The following SLC7A10 variants were observed in gnomAD, a reference collection of about 807,000 sequenced individuals.
SLC7A10 encodes asc-type amino acid transporter 1.
In SLC7A10, 30 loss-of-function variants were observed where a neutral mutation model predicts 52.7. The observed-to-expected ratio is 0.57, with a 90% CI of 0.43 to 0.77. The LOEUF (loss-of-function observed/expected upper bound fraction) is 0.77. Ranked by LOEUF, SLC7A10 falls within the 30% of genes least tolerant of loss-of-function variation. The pLI, the probability that SLC7A10 is intolerant of heterozygous loss-of-function variation, is 0.00. For synonymous variants in SLC7A10, 318 were observed against 314.9 expected, an observed-to-expected ratio of 1.01 and a Z score of -0.10; for missense variants, 581 against 698.5, an observed-to-expected ratio of 0.83 and a Z score of 1.90.
Position 33,208,994 on chromosome 19 carries a change from A to C in SLC7A10, c.1469T>G (p.Leu490Arg). Residue 490 changes from leucine (L) to arginine (R), a missense_variant, in exon 11 of 11, where the codon CTG becomes CGG. Transcript: ENST00000253188. The surrounding 1 kb of genome is among the most constrained non-coding windows in gnomAD (Gnocchi z 4.7). ...TESMTHWGQE[L>R]CFVVYPQDAP... ...GTCCTGGGGGTAGACCACGAAACAC[A>C]GCTCCTGGCCCCAGTGTGTCATGGA... 1 of 1,613,788 alleles carries C rather than the reference A, an allele frequency of 6.2e-7. No homozygotes were observed. Among genetic ancestry groups the C allele is most frequent in the Non-Finnish European group, 8.5e-7 (1 of 1,180,006 alleles).
chr19:33,221,625 C>T (rs1974813372), intron 1 of SLC7A10, among the ~76,000 whole-genome samples: 1 of 152,176 alleles, frequency 6.6e-6, no homozygotes, highest in African/African-American at 2.4e-5. Flanking sequence ...CAGAGGTCCA[C>T]CCCTCTGGGA....
At chr19:33,219,686 T>C (rs1410713517) in intron 1 of SLC7A10, among the ~76,000 whole-genome samples, 1 of 152,224 alleles carries the variant, frequency 6.6e-6, no homozygotes, top group Non-Finnish European at 1.5e-5. Flanking sequence ...ATATCTGTGC[T>C]GGGCCAAGGA....
rs1568398152 is a variant in SLC7A10, at chr19:33,225,532, GC to G, written c.151+20del. 6.3e-7 allele frequency: 1 copy of G among 1,594,848 alleles called. No homozygotes were observed. The highest frequency in any genetic ancestry group is 1.1e-5 in the South Asian group (1 of 90,788). Reference sequence around the variant, plus strand: ...CTCATTCGGCCTCCGCCCGGCGCCCGCCCGCCTGGGTCCCGCTCACCGATGA... The same window carrying G: ...CTCATTCGGCCTCCGCCCGGCGCCCGCCGCCTGGGTCCCGCTCACCGATGA... On this transcript the variant is annotated intron_variant, in intron 1 of 10. Coordinates refer to ENST00000253188, the MANE Select transcript of SLC7A10 (RefSeq NM_019849.3).
chr19:33,212,045 G>A, intron 5 of SLC7A10: 1 of 598,590 alleles, frequency 1.7e-6, no homozygotes, highest in East Asian at 2.8e-5. Context: ...TTTACAGCAG[G>A]ATGATGATAT....
chr19:33,210,776 T>C lies in SLC7A10; in HGVS notation c.1113+26A>G. 3 of 1,611,404 alleles carry C rather than the reference T, an allele frequency of 1.9e-6. No individual in the cohort carries two copies. In the Middle Eastern group the frequency reaches 5.0e-4, roughly 268 times the overall value. The stretch of plus-strand genomic sequence containing the variant: ...GCCGGGTAGCCCTGCCTCCACGCCC[T>C]GCCTGGCCCAGGTCCCCCAACTTAC... On this transcript the variant is annotated intron_variant, in intron 8 of 10. Transcript: ENST00000253188. The surrounding 1 kb of genome is among the most constrained non-coding windows in gnomAD (Gnocchi z 5.6).
chr19:33,219,020 T>A (rs1974757978), intron 1 of SLC7A10, among the ~76,000 whole-genome samples: 1 of 151,898 alleles, frequency 6.6e-6, no homozygotes, highest in South Asian at 2.1e-4. Flanking sequence ...GGGCACGGGA[T>A]GGGCCTGGAG....
At chr19:33,216,056 A>G in intron 1 of SLC7A10, 83 bp from the exon 2 acceptor site, 3 of 1,311,548 alleles carry the variant, frequency 2.3e-6, no homozygotes, top group Non-Finnish European at 3.1e-6. Flanking sequence ...GCCTGCTGCC[A>G]GGAGGAAGAC....
chr19:33,211,296 A>G lies in SLC7A10; in HGVS notation c.945T>C (p.Ser315=). ...GAGCCACGGAGACAGGCATGACCCA[A>G]GAAAAGTAGCCCAGCAGCTTCTCCC... ...TFGEKLLGYF[S]WVMPVSVALS... Residue 315 remains serine (S), a synonymous_variant, in exon 7 of 11, where the codon TCT becomes TCC. Coordinates refer to ENST00000253188, the MANE Select transcript of SLC7A10 (RefSeq NM_019849.3). 1 of 1,613,836 alleles carries G rather than the reference A, an allele frequency of 6.2e-7. No homozygotes were observed. Among genetic ancestry groups the G allele is most frequent in the Non-Finnish European group, 8.5e-7 (1 of 1,179,982 alleles).
chr19:33,215,806 A>G lies in SLC7A10; in HGVS notation c.319T>C (p.Tyr107His), dbSNP rs1196036152. The G allele has an allele frequency of 4.4e-6, 7 of 1,574,310 alleles. No individual in the cohort carries two copies. The highest frequency in any genetic ancestry group is 5.2e-6 in the Non-Finnish European group (6 of 1,160,108). The change falls in exon 2 of 11, where the codon TAC becomes CAC. Residue 107 changes from tyrosine to histidine, a missense_variant. Physicochemically the swap from Tyr to His is moderately conservative, Grantham distance 83 (BLOSUM62 2). Coordinates refer to ENST00000253188, the MANE Select transcript of SLC7A10 (RefSeq NM_019849.3). ...GVAIPKSGGD[Y>H]AYVTEIFGGL... ...CCGAAGATCTCTGTGACGTAGGCGT[A>G]GTCCCCGCCAGACTTGGGGATGGCG... is the stretch of plus-strand genomic sequence containing the variant.
chr19:33,210,721 C>T lies in SLC7A10; in HGVS notation c.1113+81G>A. ...CCAACCCCCACCCTGGAATGGCTCACCCCTGCCATTACCCGGAAGGTCCTG... is the reference window on the plus strand; with the variant it reads ...CCAACCCCCACCCTGGAATGGCTCATCCCTGCCATTACCCGGAAGGTCCTG... On this transcript the variant is annotated intron_variant, in intron 8 of 10. Coordinates refer to ENST00000253188, the MANE Select transcript of SLC7A10 (RefSeq NM_019849.3). The surrounding 1 kb of genome is among the most constrained non-coding windows in gnomAD (Gnocchi z 5.6). The T allele has an allele frequency of 6.2e-7, 1 of 1,604,022 alleles. No homozygotes were observed. The highest frequency in any genetic ancestry group is 8.5e-7 in the Non-Finnish European group (1 of 1,173,064).
intron 1 of SLC7A10, among the ~76,000 whole-genome samples, chr19:33,220,632 C>T (rs1210183738): frequency 2.0e-5 from 3 of 152,136 alleles, no homozygotes; most frequent in African/African-American, 7.2e-5. Context: ...CTGCTGGCAA[C>T]TCCTAAATTT....
At chr19:33,219,525 C>A (rs1050501231) in intron 1 of SLC7A10, among the ~76,000 whole-genome samples, 1 of 152,230 alleles carries the variant, frequency 6.6e-6, no homozygotes, top group Admixed American at 6.5e-5. Flanking sequence ...AGTCCTCATG[C>A]CTTGAAGCAC....
Position 33,210,382 on chromosome 19 carries a change from A to G in SLC7A10, c.1263+85T>C. The G allele has an allele frequency of 6.6e-7, 1 of 1,510,070 alleles. No homozygotes were observed. Among genetic ancestry groups the G allele is most frequent in the Non-Finnish European group, 8.9e-7 (1 of 1,125,924 alleles). 93.5% of individuals were successfully genotyped at this position (1,510,070 alleles called of 1,614,324 possible). On this transcript the variant is annotated intron_variant, in intron 9 of 10. Coordinates refer to ENST00000253188, the MANE Select transcript of SLC7A10 (RefSeq NM_019849.3). The surrounding 1 kb of genome is among the most constrained non-coding windows in gnomAD (Gnocchi z 5.6). ...CACTCCACAAAAGCTGGCACCTCCC[A>G]TCCCACCTGCCCCTGGTGCCCACTG...
At chr19:33,222,450 AAAATAAAATAAAAT>A (rs913987128) in intron 1 of SLC7A10, among the ~76,000 whole-genome samples, 53 of 77,682 alleles carry the variant, frequency 6.8e-4, no homozygotes, top group Admixed American at 2.0e-3. Flanking sequence ...TAAAATAAAT[AAAATAAAATAAAAT>A]AAATAAAATA....
At position 33,210,429 on chromosome 19, in the gene SLC7A10, C is replaced by T; in HGVS notation, c.1263+38G>A. 4 of 1,548,510 alleles carry T rather than the reference C, an allele frequency of 2.6e-6. No homozygotes were observed. The highest frequency in any genetic ancestry group is 3.5e-6 in the Non-Finnish European group (4 of 1,153,436). On this transcript the variant is annotated intron_variant, in intron 9 of 10. Coordinates refer to ENST00000253188, the MANE Select transcript of SLC7A10 (RefSeq NM_019849.3). The surrounding 1 kb of genome is among the most constrained non-coding windows in gnomAD (Gnocchi z 5.6). ...ACTGTGGATGCAGGGGTGGCTCTGGCAGCACCCGGCACAGGGCCAGCTGTC... is the reference window on the plus strand; with the variant it reads ...ACTGTGGATGCAGGGGTGGCTCTGGTAGCACCCGGCACAGGGCCAGCTGTC...
chr19:33,216,012 C>T (rs1344878877), intron 1 of SLC7A10, 39 bp from the exon 2 acceptor site: 3 of 1,507,834 alleles, frequency 2.0e-6, no homozygotes, highest in South Asian at 1.3e-5. Flanking sequence ...GGCCTGGGGT[C>T]CCCTTCGCAG....
chr19:33,215,546 C>T (rs1974653082), intron 2 of SLC7A10, among the ~76,000 whole-genome samples: 1 of 141,744 alleles, frequency 7.1e-6, no homozygotes, highest in Non-Finnish European at 1.5e-5. Flanking sequence ...GAGTGGGCCT[C>T]AGTTCCACCT....
intron 1 of SLC7A10, chr19:33,221,045 C>T (rs1445645999): frequency 1.3e-5 from 2 of 152,424 alleles, no homozygotes; most frequent in African/African-American, 2.4e-5. Context: ...CCCCCACTGC[C>T]TCTTCTCCAT....
intron 1 of SLC7A10, among the ~76,000 whole-genome samples, chr19:33,220,661 G>A (rs1974793823): frequency 6.6e-6 from 1 of 152,130 alleles, no homozygotes; most frequent in Non-Finnish European, 1.5e-5. Context: ...AGCATAGACT[G>A]CTCTGCTAAA....
Sources: allele counts gnomAD v4.1 joint callset (sites outside exome capture counted in the v4.1 genomes callset), GRCh38; gene constraint gnomAD v4.1.1; non-coding constraint Gnocchi (gnomAD v3.1); transcripts MANE v1.5; gene names NCBI Gene and HGNC (gene_info 2026-07-23, HGNC 2026-07-21).